Variants in RTN1 observed in about 807,000 individuals in gnomAD.
RTN1 encodes the protein reticulon 1.
In RTN1, 25 loss-of-function variants were observed where a neutral mutation model predicts 65.5. That is an observed-to-expected ratio of 0.38 (90% CI 0.28 to 0.53). The LOEUF (loss-of-function observed/expected upper bound fraction) is 0.53. Ranked by LOEUF, RTN1 falls within the 20% of genes least tolerant of loss-of-function variation. The pLI, the probability that RTN1 is intolerant of heterozygous loss-of-function variation, is 0.79. For synonymous variants in RTN1, 471 were observed against 447.6 expected, an observed-to-expected ratio of 1.05 and a Z score of -0.66; for missense variants, 983 against 1,025.4, an observed-to-expected ratio of 0.96 and a Z score of 0.57.
chr14:59,666,106 G>A (rs1594665017), intron 3 of RTN1, among the ~76,000 whole-genome samples: 3 of 152,116 alleles, frequency 2.0e-5, no homozygotes, highest in South Asian at 2.1e-4. Flanking sequence ...AGACATCTAC[G>A]GAAAGCTCCA....
At chr14:59,818,604 C>T (rs147814288) in intron 1 of RTN1, among the ~76,000 whole-genome samples, 140 of 152,108 alleles carry the variant, frequency 9.2e-4, no homozygotes, top group African/African-American at 3.3e-3. Context: ...TTTGTCATCG[C>T]GAATAGTATG....
intron 3 of RTN1, among the ~76,000 whole-genome samples, chr14:59,726,667 C>T (rs530195780): frequency 6.6e-6 from 1 of 152,300 alleles, no homozygotes; most frequent in East Asian, 1.9e-4. Context: ...AACACAAAAC[C>T]GCTCATTATT....
At chr14:59,632,921 C>A (rs1016076724) in intron 3 of RTN1, among the ~76,000 whole-genome samples, 1 of 151,928 alleles carries the variant, frequency 6.6e-6, no homozygotes, top group Non-Finnish European at 1.5e-5. Context: ...ATGGTGAAAC[C>A]CCATCTCTAA....
intron 3 of RTN1, among the ~76,000 whole-genome samples, chr14:59,703,595 A>T (rs1481418083): frequency 6.6e-6 from 1 of 152,164 alleles, no homozygotes; most frequent in Non-Finnish European, 1.5e-5. Flanking sequence ...AGCTTCAGGT[A>T]TTTCTTTGTA....
At position 59,751,984 on chromosome 14, in the gene RTN1, A is replaced by T. The variant is rs142534969; in HGVS notation, c.242-5503T>A. 6.9e-3 allele frequency among the ~76,000 whole-genome samples: 1,049 copies of T among 152,236 alleles called. 4 individuals carry two copies. Among genetic ancestry groups the T allele is most frequent in the Non-Finnish European group, 0.011 (717 of 68,000 alleles). ...TTCACAGTCTCACACTCACTTGACCAGCTTTTCTAGCCCTGTCTTCCACTC... is the reference window on the plus strand; with the variant it reads ...TTCACAGTCTCACACTCACTTGACCTGCTTTTCTAGCCCTGTCTTCCACTC... On this transcript the variant is annotated intron_variant, in intron 1 of 8. Coordinates refer to ENST00000267484, the MANE Select transcript of RTN1 (RefSeq NM_021136.3).
intron 3 of RTN1, among the ~76,000 whole-genome samples, chr14:59,721,210 G>C (rs1884640340): frequency 6.6e-6 from 1 of 152,178 alleles, no homozygotes; most frequent in South Asian, 2.1e-4. Context: ...CCAAGGAAAA[G>C]ACAGGTTTTC....
intron 1 of RTN1, among the ~76,000 whole-genome samples, chr14:59,765,615 A>G (rs1393516362): frequency 6.6e-6 from 1 of 152,242 alleles, no homozygotes; most frequent in East Asian, 1.9e-4. Context: ...AGGTAAAACC[A>G]TAAATAAATA....
At chr14:59,666,532 T>C (rs749427959) in intron 3 of RTN1, among the ~76,000 whole-genome samples, 15 of 151,870 alleles carry the variant, frequency 9.9e-5, no homozygotes, top group Non-Finnish European at 2.1e-4. Context: ...TTAAAAGAAC[T>C]AGAGAAGCAA....
intron 2 of RTN1, among the ~76,000 whole-genome samples, chr14:59,736,764 T>C (rs1829786375): frequency 6.6e-6 from 1 of 152,194 alleles, no homozygotes; most frequent in South Asian, 2.1e-4. Context: ...TGAACACTGA[T>C]GCAATAATCC....
chr14:59,658,011 C>T (rs763443266), intron 3 of RTN1, among the ~76,000 whole-genome samples: 3 of 152,188 alleles, frequency 2.0e-5, no homozygotes, highest in East Asian at 3.9e-4. Context: ...ATTCTCATTG[C>T]GAGCACAGCA....
chr14:59,793,987 C>G (rs1886397600), intron 1 of RTN1, among the ~76,000 whole-genome samples: 1 of 152,184 alleles, frequency 6.6e-6, no homozygotes, highest in Non-Finnish European at 1.5e-5. Flanking sequence ...TGAACATTGT[C>G]TGGATGCCTC....
intron 3 of RTN1, among the ~76,000 whole-genome samples, chr14:59,707,669 ATTCTCTCTCTCTCTCTCT>A (rs1884323772): frequency 6.7e-6 from 1 of 150,374 alleles, no homozygotes; most frequent in South Asian, 2.1e-4. Context: ...CTGCTTGATA[ATTCTCTCTCTCTCTCTCT>A]TTCCCTCTGT....
chr14:59,841,399 TAA>T (rs1195431022), intron 1 of RTN1, among the ~76,000 whole-genome samples: 2 of 152,074 alleles, frequency 1.3e-5, no homozygotes, highest in East Asian at 3.8e-4. Context: ...TCAGACTGGA[TAA>T]AACTGCAAGA....
chr14:59,851,537 T>A (rs1390101897), intron 1 of RTN1, among the ~76,000 whole-genome samples: 1 of 152,234 alleles, frequency 6.6e-6, no homozygotes, highest in East Asian at 1.9e-4. Flanking sequence ...AATATGATTT[T>A]TTTTTGTTCC....
chr14:59,865,197 TA>T (rs1310167093), intron 1 of RTN1, among the ~76,000 whole-genome samples: 1 of 152,202 alleles, frequency 6.6e-6, no homozygotes, highest in Admixed American at 6.5e-5. Flanking sequence ...TCTTAGATTC[TA>T]CCAGCAGTCA....
intron 3 of RTN1, among the ~76,000 whole-genome samples, chr14:59,611,362 C>T (rs1464782069): frequency 6.6e-6 from 1 of 152,196 alleles, no homozygotes; most frequent in African/African-American, 2.4e-5. Flanking sequence ...CACTGCTGAC[C>T]CAATGTGCAT....
intron 3 of RTN1, among the ~76,000 whole-genome samples, chr14:59,655,616 A>T (rs1472755142): frequency 6.6e-6 from 1 of 152,266 alleles, no homozygotes; most frequent in African/African-American, 2.4e-5. Flanking sequence ...TAGTGGCATA[A>T]GGCCAGACAT....
intron 2 of RTN1, 61 bp downstream of exon 2, chr14:59,745,647 T>C: frequency 7.2e-7 from 1 of 1,389,998 alleles, no homozygotes; most frequent in East Asian, 2.3e-5. Context: ...AATATTTGTT[T>C]TAGGGATTGA....
chr14:59,863,751 T>A (rs1316180462), intron 1 of RTN1, among the ~76,000 whole-genome samples: 2 of 152,200 alleles, frequency 1.3e-5, no homozygotes, highest in Non-Finnish European at 2.9e-5. Flanking sequence ...TTAACATGTG[T>A]AAAACCAAAC....
Sources: gnomAD v4.1 joint callset for allele counts (sites outside exome capture counted in the v4.1 genomes callset) on GRCh38, gnomAD v4.1.1 for gene constraint, MANE v1.5 for transcripts, NCBI Gene and HGNC (gene_info 2026-07-23, HGNC 2026-07-21) for gene names.